Variants in MAD1L1 observed in about 807,000 individuals in gnomAD.
MAD1L1 encodes the protein mitotic arrest deficient 1 like 1.
In MAD1L1, 95 loss-of-function variants were observed where a neutral mutation model predicts 96.9. The observed-to-expected ratio is 0.98, with a 90% CI of 0.83 to 1.16. The LOEUF is 1.16. MAD1L1 is among the 50% of genes most tolerant of loss of function. MAD1L1 has a pLI of 0.00. For missense variants in MAD1L1, 1,007 were observed against 954.4 expected (o/e 1.06, Z -0.73); for synonymous variants, 473 against 396.6 (o/e 1.19, Z -2.29).
chr7:2,075,351 G>A (rs757371656), intron 11 of MAD1L1, among the ~76,000 whole-genome samples: 1 of 152,210 alleles, frequency 6.6e-6, no homozygotes, highest in East Asian at 1.9e-4. Context: ...AGGCCCTGCA[G>A]GGCACCGGGA....
intron 14 of MAD1L1, among the ~76,000 whole-genome samples, chr7:1,997,212 A>G (rs968702305): frequency 6.6e-6 from 1 of 152,126 alleles, no homozygotes; most frequent in Admixed American, 6.5e-5. Context: ...CTCTTTTCTC[A>G]TTTCCTAAAT....
chr7:1,903,786 A>C lies in MAD1L1; in HGVS notation c.1808-5396T>G, dbSNP rs1414928982. On this transcript the variant is annotated intron_variant, in intron 17 of 18. Coordinates refer to ENST00000265854, the MANE Select transcript of MAD1L1 (RefSeq NM_001013836.2). Reference sequence around the variant, plus strand: ...TTCATGATTGATGAAGCACTGTTCCAGGCAGTGAGGACACAGTGGCCTATG... The same window carrying C: ...TTCATGATTGATGAAGCACTGTTCCCGGCAGTGAGGACACAGTGGCCTATG... 3.4e-5 allele frequency among the ~76,000 whole-genome samples: 5 copies of C among 145,166 alleles called. 1 individual carries two copies. In the East Asian group the frequency reaches 1.1e-3, roughly 31 times the overall value.
intron 17 of MAD1L1, among the ~76,000 whole-genome samples, chr7:1,936,190 C>T (rs1033106973): frequency 2.0e-5 from 3 of 152,212 alleles, no homozygotes; most frequent in African/African-American, 7.2e-5. Context: ...GATAGGCTGG[C>T]GTTCCAAAGG....
At chr7:2,186,928 G>T (rs1791488326) in intron 10 of MAD1L1, among the ~76,000 whole-genome samples, 1 of 151,848 alleles carries the variant, frequency 6.6e-6, no homozygotes, top group South Asian at 2.1e-4. Flanking sequence ...CCAGTAGCTG[G>T]GATTACAGGC....
intron 14 of MAD1L1, among the ~76,000 whole-genome samples, chr7:1,987,789 C>T (rs900393926): frequency 6.6e-6 from 1 of 152,214 alleles, no homozygotes; most frequent in African/African-American, 2.4e-5. Flanking sequence ...GCTGGCAGGG[C>T]ACAGGCCCGG....
chr7:1,838,020 T>C (rs1225219107), intron 18 of MAD1L1, among the ~76,000 whole-genome samples: 1 of 152,244 alleles, frequency 6.6e-6, no homozygotes, highest in Non-Finnish European at 1.5e-5. Flanking sequence ...CTGCTCCCTC[T>C]TGGGTGTCTA....
At chr7:2,060,016 T>C (rs1214243170) in intron 12 of MAD1L1, among the ~76,000 whole-genome samples, 1 of 152,134 alleles carries the variant, frequency 6.6e-6, no homozygotes, top group Non-Finnish European at 1.5e-5. Context: ...ACATGTGGCA[T>C]TCATGGTTCA....
chr7:1,889,600 G>C (rs745852335), intron 18 of MAD1L1, among the ~76,000 whole-genome samples: 1 of 152,200 alleles, frequency 6.6e-6, no homozygotes, highest in Non-Finnish European at 1.5e-5. Flanking sequence ...CTGCAACGCA[G>C]AGAGATGCTT....
chr7:1,937,651 C>T (rs552230855), intron 16 of MAD1L1, among the ~76,000 whole-genome samples: 10 of 150,410 alleles, frequency 6.6e-5, no homozygotes, highest in African/African-American at 1.5e-4. Context: ...AGGGTCACTG[C>T]GCACCCGAGA....
intron 11 of MAD1L1, among the ~76,000 whole-genome samples, chr7:2,078,586 C>G (rs1334387766): frequency 6.6e-6 from 1 of 152,222 alleles, no homozygotes; most frequent in African/African-American, 2.4e-5. Context: ...CGGCCAGGGC[C>G]CCTCCATGTC....
intron 15 of MAD1L1, among the ~76,000 whole-genome samples, chr7:1,974,779 A>C (rs1780558838): frequency 6.6e-6 from 1 of 152,272 alleles, no homozygotes; most frequent in Admixed American, 6.5e-5. Context: ...CGCCAGAAGG[A>C]AAGGCCTGGA....
intron 10 of MAD1L1, among the ~76,000 whole-genome samples, chr7:2,204,355 G>T (rs573259495): frequency 6.6e-6 from 1 of 152,274 alleles, no homozygotes; most frequent in South Asian, 2.1e-4. Flanking sequence ...ATCTGCGCAC[G>T]TGAACAGTTT....
chr7:2,040,423 G>A (rs1783623462), intron 12 of MAD1L1, among the ~76,000 whole-genome samples: 3 of 152,100 alleles, frequency 2.0e-5, no homozygotes, highest in Non-Finnish European at 2.9e-5. Flanking sequence ...ATCGGTGTCG[G>A]GAACTTTGCT....
chr7:2,040,562 T>A lies in MAD1L1; in HGVS notation c.1219-25920A>T, dbSNP rs144986452. Among the ~76,000 whole-genome samples, 3 of 152,326 alleles carry A rather than the reference T, an allele frequency of 2.0e-5. No homozygotes were observed. The East Asian group carries it at 5.8e-4, about 29-fold the overall frequency. ...TGCTGCTGACCTTATATCCATTAAG[T>A]TTTTCTTTCCATTATTGCTAGGCAT... On this transcript the variant is annotated intron_variant, in intron 12 of 18. Transcript: ENST00000265854.
At chr7:1,928,078 C>T (rs1218968665) in intron 17 of MAD1L1, among the ~76,000 whole-genome samples, 1 of 152,202 alleles carries the variant, frequency 6.6e-6, no homozygotes, top group African/African-American at 2.4e-5. Flanking sequence ...TCCAGCACTA[C>T]AGTCGGAGCC....
intron 10 of MAD1L1, among the ~76,000 whole-genome samples, chr7:2,180,516 G>A (rs528740549): frequency 6.6e-6 from 1 of 152,268 alleles, no homozygotes; most frequent in East Asian, 1.9e-4. Flanking sequence ...GTTAATTTAC[G>A]ACTGAGAGTT....
At chr7:2,147,026 G>A (rs1789344462) in intron 11 of MAD1L1, among the ~76,000 whole-genome samples, 1 of 152,196 alleles carries the variant, frequency 6.6e-6, no homozygotes, top group Non-Finnish European at 1.5e-5. Flanking sequence ...AAAGGGCCAG[G>A]CACTCAGCGT....
chr7:1,935,011 A>G (rs141510126), intron 17 of MAD1L1, among the ~76,000 whole-genome samples: 1,968 of 152,084 alleles, frequency 0.013, 16 homozygotes, highest in South Asian at 0.025. Flanking sequence ...CCCAGACAAC[A>G]AGGGAACGAA....
chr7:1,881,495 C>T (rs1469018466), intron 18 of MAD1L1, among the ~76,000 whole-genome samples: 6 of 152,178 alleles, frequency 3.9e-5, no homozygotes, highest in African/African-American at 1.4e-4. Context: ...TGCTGAGATG[C>T]TTTGTTACAC....
Sources: allele counts gnomAD v4.1 joint callset (sites outside exome capture counted in the v4.1 genomes callset), GRCh38; gene constraint gnomAD v4.1.1; transcripts MANE v1.5; gene names NCBI Gene and HGNC (gene_info 2026-07-23, HGNC 2026-07-21).